VGLL4: variants seen among roughly 807,000 people sequenced by gnomAD.
VGLL4 encodes vestigial like family member 4, also known as transcription cofactor vestigial-like protein 4.
VGLL4 carries 7 observed loss-of-function variants against 21.0 expected under a neutral mutation model. The ratio of observed to expected loss-of-function variants is 0.33; its 90% CI spans 0.19 to 0.63. VGLL4 has a LOEUF of 0.63. Among genes scored for constraint, VGLL4 ranks in the 20% least tolerant of loss-of-function variants. VGLL4 has a pLI of 0.78. For synonymous variants in VGLL4, 222 were observed against 173.2 expected (o/e 1.28, Z -2.21); for missense variants, 394 against 425.7 (o/e 0.93, Z 0.66).
At position 11,558,354 on chromosome 3, in the gene VGLL4, TATC is replaced by T. The variant is rs2072627835; in HGVS notation, c.*199_*201del. 1 of 785,596 alleles carries T rather than the reference TATC, an allele frequency of 1.3e-6. No homozygotes were observed. Among genetic ancestry groups the T allele is most frequent in the African/African-American group, 1.7e-5 (1 of 57,236 alleles). The allele number at this position is 785,596 out of a possible 1,614,324, so 48.7% of individuals were successfully genotyped here. ...CAGATGTTCCACGCGTAGTTCCTGCTATCATGTTTGAGGGCCCCCTTGTACGGA... is the reference window on the plus strand; with the variant it reads ...CAGATGTTCCACGCGTAGTTCCTGCTATGTTTGAGGGCCCCCTTGTACGGA... On this transcript the variant is annotated 3_prime_UTR_variant, in exon 5 of 5. Coordinates refer to ENST00000430365, the MANE Select transcript of VGLL4 (RefSeq NM_001128219.3).
At chr3:11,683,247 A>G (rs2076401469) in intron 2 of VGLL4, among the ~76,000 whole-genome samples, 1 of 152,112 alleles carries the variant, frequency 6.6e-6, no homozygotes, top group African/African-American at 2.4e-5. Flanking sequence ...CCTTACCCCA[A>G]TCAGAATGGC....
At position 11,560,521 on chromosome 3, in the gene VGLL4, T is replaced by C. The variant is rs1485112924; in HGVS notation, c.496-1066A>G. ...CCATTAAAGTTAGAGCAGTAGCTGGTATAAAGACACAAAAGGCTTGCATGC... is the reference window on the plus strand; with the variant it reads ...CCATTAAAGTTAGAGCAGTAGCTGGCATAAAGACACAAAAGGCTTGCATGC... On this transcript the variant is annotated intron_variant, in intron 3 of 4. Transcript: ENST00000430365. Among the ~76,000 whole-genome samples, 5 of 152,072 alleles carry C rather than the reference T, an allele frequency of 3.3e-5. No individual in the cohort carries two copies. In the East Asian group the frequency reaches 5.8e-4, roughly 18 times the overall value.
intron 2 of VGLL4, among the ~76,000 whole-genome samples, chr3:11,599,908 T>C (rs970914412): frequency 1.3e-5 from 2 of 152,082 alleles, no homozygotes; most frequent in Non-Finnish European, 2.9e-5. Flanking sequence ...CCAGGCACCA[T>C]TCTTAAGTCC....
intron 1 of VGLL4, among the ~76,000 whole-genome samples, chr3:11,704,903 G>C (rs548524982): frequency 1.3e-5 from 2 of 152,314 alleles, no homozygotes; most frequent in East Asian, 3.9e-4. Context: ...AATTCTGAAA[G>C]GCTTTGTGAA....
chr3:11,664,445 G>A (rs1030268355), intron 2 of VGLL4, among the ~76,000 whole-genome samples: 7 of 152,150 alleles, frequency 4.6e-5, no homozygotes, highest in Non-Finnish European at 1.0e-4. Flanking sequence ...AATCACCTCT[G>A]CTTTCTGAAG....
intron 1 of VGLL4, among the ~76,000 whole-genome samples, chr3:11,714,920 G>A: frequency 6.6e-6 from 1 of 152,114 alleles, no homozygotes; most frequent in East Asian, 1.9e-4. Flanking sequence ...CGGATCACGA[G>A]GTCAGGAGAT....
chr3:11,586,764 G>A (rs1173663872), intron 2 of VGLL4, among the ~76,000 whole-genome samples: 1 of 152,214 alleles, frequency 6.6e-6, no homozygotes, highest in Non-Finnish European at 1.5e-5. Flanking sequence ...AGGGACGGCT[G>A]TATATGACAA....
At position 11,565,201 on chromosome 3, in the gene VGLL4, G is replaced by A. The variant is rs2073414222; in HGVS notation, c.273-182C>T. Among the ~76,000 whole-genome samples the A allele has an allele frequency of 1.3e-5, 2 of 152,166 alleles. No homozygotes were observed. Among genetic ancestry groups the A allele is most frequent in the Admixed American group, 1.3e-4 (2 of 15,286 alleles). On this transcript the variant is annotated intron_variant, in intron 2 of 4. Transcript: ENST00000430365. This position sits in a 1 kb window ranked among gnomAD's most constrained non-coding sequence, Gnocchi z 4.1. ...GTCAGCCGGACACCAAAGCCTCTGG[G>A]TGCCGGAGAAGCTGCTGCCAGCGGA...
intron 2 of VGLL4, among the ~76,000 whole-genome samples, chr3:11,670,061 T>C (rs542381298): frequency 1.3e-5 from 2 of 152,210 alleles, no homozygotes; most frequent in East Asian, 3.9e-4. Flanking sequence ...CATTCATGTT[T>C]TCAAGAATGC....
intron 2 of VGLL4, among the ~76,000 whole-genome samples, chr3:11,600,086 G>A (rs1205606450): frequency 6.6e-6 from 1 of 152,034 alleles, no homozygotes; most frequent in East Asian, 1.9e-4. Context: ...ACCAGTATCT[G>A]AACAATGGAA....
chr3:11,665,973 G>A (rs887440180), intron 2 of VGLL4, among the ~76,000 whole-genome samples: 3 of 152,152 alleles, frequency 2.0e-5, no homozygotes, highest in East Asian at 1.9e-4. Flanking sequence ...ATTCTGGGCC[G>A]GGCGCGGTGG....
intron 2 of VGLL4, among the ~76,000 whole-genome samples, chr3:11,665,607 A>T (rs1269689528): frequency 6.6e-6 from 1 of 152,208 alleles, no homozygotes; most frequent in Non-Finnish European, 1.5e-5. Flanking sequence ...CCTGCAAAGG[A>T]AGCCAAGTCC....
chr3:11,573,355 G>T (rs1219464928), intron 2 of VGLL4, among the ~76,000 whole-genome samples: 2 of 94,450 alleles, frequency 2.1e-5, no homozygotes, highest in African/African-American at 6.7e-5. Flanking sequence ...AAGAAAGAAA[G>T]AAAGAAAGAA....
At chr3:11,685,125 C>T (rs977492115) in intron 2 of VGLL4, among the ~76,000 whole-genome samples, 2 of 151,598 alleles carry the variant, frequency 1.3e-5, no homozygotes, top group African/African-American at 4.8e-5. Context: ...GGATGATAAC[C>T]TCCAGCTCCA....
At chr3:11,659,626 G>A (rs1363537895) in intron 2 of VGLL4, among the ~76,000 whole-genome samples, 2 of 145,974 alleles carry the variant, frequency 1.4e-5, no homozygotes, top group South Asian at 2.3e-4. Context: ...GAGCCACCAC[G>A]CCCAGCTTCA....
chr3:11,576,201 G>A (rs1381917307), intron 2 of VGLL4, among the ~76,000 whole-genome samples: 2 of 152,214 alleles, frequency 1.3e-5, no homozygotes, highest in South Asian at 4.1e-4. Context: ...CCCACCTGCG[G>A]CCATGACCCC....
intron 1 of VGLL4, among the ~76,000 whole-genome samples, chr3:11,629,827 G>C (rs2075439250): frequency 6.7e-6 from 1 of 149,728 alleles, no homozygotes; most frequent in Non-Finnish European, 1.5e-5. Flanking sequence ...AAAACTCAAA[G>C]AATCTAAAGA....
intron 1 of VGLL4, among the ~76,000 whole-genome samples, chr3:11,705,285 A>G (rs6764119): frequency 0.79 from 119,809 of 152,200 alleles, 47,789 homozygotes; most frequent in African/African-American, 0.91. Flanking sequence ...GCCGTGGGCA[A>G]GCACGCGGAG....
rs533608044 is a variant in VGLL4 at position 11,669,588 on chromosome 3, T to C, written c.64+33383A>G. The stretch of plus-strand genomic sequence containing the variant: ...TAATAGAACTCATTATTTTGGTACA[T>C]TTTATGACTGAAGGCAACTCCAAAA... On this transcript the variant is annotated intron_variant, in intron 2 of 5. Coordinates refer to the VGLL4 transcript ENST00000273038. 2.2e-4 allele frequency among the ~76,000 whole-genome samples: 34 copies of C among 152,356 alleles called. No individual in the cohort carries two copies. In the South Asian group the frequency reaches 3.7e-3, roughly 17 times the overall value.
Sources: allele counts gnomAD v4.1 joint callset (sites outside exome capture counted in the v4.1 genomes callset), GRCh38; gene constraint gnomAD v4.1.1; non-coding constraint Gnocchi (gnomAD v3.1); transcripts MANE v1.5; gene names NCBI Gene and HGNC (gene_info 2026-07-23, HGNC 2026-07-21).